Variants in STOML3 observed in about 807,000 individuals in gnomAD.
The protein encoded by STOML3 is stomatin like 3.
STOML3 carries 31 observed loss-of-function variants against 29.5 expected under a neutral mutation model. The ratio of observed to expected loss-of-function variants is 1.05; its 90% CI spans 0.79 to 1.42. STOML3 has a LOEUF of 1.42. Among genes scored for constraint, STOML3 ranks in the 40% most tolerant of loss-of-function variants. The pLI is 0.00. For missense variants in STOML3, 380 were observed against 363.0 expected (o/e 1.05, Z -0.38); for synonymous variants, 122 against 139.8 (o/e 0.87, Z 0.90).
intron 1 of STOML3, among the ~76,000 whole-genome samples, chr13:38,983,524 C>T (rs934321185): frequency 2.0e-5 from 3 of 152,098 alleles, no homozygotes; most frequent in African/African-American, 7.2e-5. Flanking sequence ...GCTAAATTTT[C>T]AAGATTATGT....
chr13:38,969,844 C>T (rs1323658425), intron 5 of STOML3, among the ~76,000 whole-genome samples: 1 of 152,168 alleles, frequency 6.6e-6, no homozygotes, highest in Non-Finnish European at 1.5e-5. Flanking sequence ...AATGGCTGCA[C>T]TTCTGGAATA....
intron 1 of STOML3, among the ~76,000 whole-genome samples, chr13:38,983,704 T>C (rs927969845): frequency 1.4e-4 from 21 of 152,178 alleles, no homozygotes; most frequent in African/African-American, 4.3e-4. Context: ...ACGCTAGTCC[T>C]ATGAATACAA....
rs1490219404 is a variant in STOML3 at position 38,990,664 on chromosome 13, A to C, written c.52+6T>G. ...AACAAGCCTAAGACAGGAAAAAGGA[A>C]CTTACCCACGAAATTCTCTTTATCT... On this transcript the variant is annotated splice_donor_region_variant and intron_variant, in intron 1 of 6. Coordinates refer to ENST00000379631, the MANE Select transcript of STOML3 (RefSeq NM_145286.3). 3 of 1,613,806 alleles carry C rather than the reference A, an allele frequency of 1.9e-6. No individual in the cohort carries two copies. The highest frequency in any genetic ancestry group is 2.5e-6 in the Non-Finnish European group (3 of 1,179,882).
At chr13:38,987,917 A>G (rs1316109935) in intron 1 of STOML3, among the ~76,000 whole-genome samples, 1 of 66,934 alleles carries the variant, frequency 1.5e-5, no homozygotes, top group Non-Finnish European at 2.3e-5. Flanking sequence ...AATATATTAT[A>G]TTTTATATAA....
Position 38,966,790 on chromosome 13 carries a change from C to T in STOML3, c.*35G>A. 2 of 1,558,442 alleles carry T rather than the reference C, an allele frequency of 1.3e-6. No homozygotes were observed. Among genetic ancestry groups the T allele is most frequent in the Non-Finnish European group, 1.8e-6 (2 of 1,131,942 alleles). On this transcript the variant is annotated 3_prime_UTR_variant, in exon 7 of 7. Transcript: ENST00000379631. ...GGCTTCTCCATAGGAATAGACACCA[C>T]TCTCTATGCAATAGCTGACTACCGC...
chr13:38,984,456 G>T (rs1868428619), intron 1 of STOML3, among the ~76,000 whole-genome samples: 1 of 152,128 alleles, frequency 6.6e-6, no homozygotes, highest in Non-Finnish European at 1.5e-5. Context: ...TGATGTTTCA[G>T]TCAATGATGG....
chr13:38,966,381 T>TCC lies in STOML3; in HGVS notation c.*443_*444insGG, dbSNP rs1474251885. 2 of 153,032 alleles carry TCC rather than the reference T, an allele frequency of 1.3e-5. No individual in the cohort carries two copies. The highest frequency in any genetic ancestry group is 4.8e-5 in the African/African-American group (2 of 41,452). The allele number at this position is 153,032 out of a possible 1,614,324, so 9.5% of individuals were successfully genotyped here. A position where few individuals can be genotyped will look rare whatever the true frequency, so the allele number is the denominator to read the frequency against. On this transcript the variant is annotated 3_prime_UTR_variant, in exon 7 of 7. Transcript: ENST00000379631. ...CATTGTGGGGTTTGATTGCAACCAT[T>TCC]GGAGATTTAGCAAATAACAACTTCG... is the stretch of plus-strand genomic sequence containing the variant.
At chr13:38,985,881 G>A (rs1868493748) in intron 1 of STOML3, among the ~76,000 whole-genome samples, 1 of 137,096 alleles carries the variant, frequency 7.3e-6, no homozygotes, top group South Asian at 2.3e-4. Flanking sequence ...TATTAACAGT[G>A]GCTATTTCTT....
intron 1 of STOML3, among the ~76,000 whole-genome samples, chr13:38,987,050 G>A (rs866549320): frequency 3.3e-5 from 5 of 152,156 alleles, no homozygotes; most frequent in Middle Eastern, 3.2e-3. Context: ...GAATGTCAAA[G>A]CCATTAATAG....
At chr13:38,970,442 A>G (rs997136619) in intron 4 of STOML3, 54 bp from the exon 5 acceptor site, 1 of 1,486,740 alleles carries the variant, frequency 6.7e-7, no homozygotes, top group Admixed American at 1.7e-5. Context: ...ACCACTACTG[A>G]CAAAGTGACA....
At chr13:38,990,243 G>C (rs906713640) in intron 1 of STOML3, among the ~76,000 whole-genome samples, 1 of 152,090 alleles carries the variant, frequency 6.6e-6, no homozygotes, top group Non-Finnish European at 1.5e-5. Context: ...TTGGAGAAAA[G>C]TCAGCCTCTT....
At chr13:38,978,736 T>A (rs1008724508) in intron 1 of STOML3, among the ~76,000 whole-genome samples, 1 of 152,130 alleles carries the variant, frequency 6.6e-6, no homozygotes, top group Admixed American at 6.6e-5. Context: ...CTCAAATCCA[T>A]CCCCAGTTAC....
intron 1 of STOML3, among the ~76,000 whole-genome samples, chr13:38,985,839 T>A (rs897829034): frequency 3.4e-5 from 5 of 145,536 alleles, no homozygotes; most frequent in Admixed American, 2.8e-4. Flanking sequence ...ATATATAGAA[T>A]AGAAAAAATT....
At chr13:38,978,818 G>A (rs145124349) in intron 1 of STOML3, among the ~76,000 whole-genome samples, 148 of 152,238 alleles carry the variant, frequency 9.7e-4, no homozygotes, top group African/African-American at 3.4e-3. Context: ...CTGGGTTTTT[G>A]CTCTTATAAG....
rs1221348340 is a variant in STOML3, at chr13:38,989,166, A to T, written c.52+1504T>A. Among the ~76,000 whole-genome samples, 4 of 151,916 alleles carry T rather than the reference A, an allele frequency of 2.6e-5. No homozygotes were observed. The East Asian group carries it at 7.7e-4, about 29-fold the overall frequency. ...ACTACAAAAGCACAGGAAATCAGAC[A>T]TTGCAAATATATCAGCCCCATTTTG... On this transcript the variant is annotated intron_variant, in intron 1 of 6. Coordinates refer to ENST00000379631, the MANE Select transcript of STOML3 (RefSeq NM_145286.3).
intron 1 of STOML3, among the ~76,000 whole-genome samples, chr13:38,980,923 G>A (rs1881247865): frequency 6.6e-6 from 1 of 152,322 alleles, no homozygotes; most frequent in South Asian, 2.1e-4. Context: ...CTTCTAGGAA[G>A]TCTGCAGCTG....
chr13:38,985,415 A>G (rs930290077), intron 1 of STOML3, among the ~76,000 whole-genome samples: 1 of 152,128 alleles, frequency 6.6e-6, no homozygotes, highest in East Asian at 1.9e-4. Context: ...AGAGCGAGAG[A>G]GAGACTTTGT....
chr13:38,988,856 A>T (rs1451460901), intron 1 of STOML3, among the ~76,000 whole-genome samples: 3 of 143,522 alleles, frequency 2.1e-5, no homozygotes, highest in African/African-American at 7.6e-5. Context: ...TATATATTAT[A>T]TATGCTGTAT....
intron 3 of STOML3, among the ~76,000 whole-genome samples, chr13:38,974,030 C>T (rs1485316407): frequency 6.6e-6 from 1 of 152,106 alleles, no homozygotes; most frequent in Non-Finnish European, 1.5e-5. Flanking sequence ...ATAGCATTCT[C>T]CTGCTGTAAA....
Sources: gnomAD v4.1 joint callset for allele counts (sites outside exome capture counted in the v4.1 genomes callset) on GRCh38, gnomAD v4.1.1 for gene constraint, MANE v1.5 for transcripts, NCBI Gene and HGNC (gene_info 2026-07-23, HGNC 2026-07-21) for gene names.